AP2A2: variants seen among roughly 807,000 people sequenced by gnomAD.
The protein encoded by AP2A2 is AP-2 complex subunit alpha-2.
In AP2A2, 32 loss-of-function variants were observed where a neutral mutation model predicts 104.2. The ratio of observed to expected loss-of-function variants is 0.31; its 90% CI spans 0.23 to 0.41. The LOEUF is 0.41. Among genes scored for constraint, AP2A2 ranks in the 10% least tolerant of loss-of-function variants. The pLI is 1.00. For synonymous variants in AP2A2, 539 were observed against 533.3 expected (o/e 1.01, Z -0.15); for missense variants, 912 against 1,261.0 (o/e 0.72, Z 4.19).
intron 10 of AP2A2, 191 bp downstream of exon 10, chr11:988,880 C>A: frequency 1.4e-6 from 1 of 732,634 alleles, no homozygotes; most frequent in Non-Finnish European, 2.2e-6. Flanking sequence ...CTGTGGTCCC[C>A]GCTACTCCTG....
At chr11:962,513 G>A (rs1013963488) in intron 2 of AP2A2, among the ~76,000 whole-genome samples, 25 of 152,114 alleles carry the variant, frequency 1.6e-4, no homozygotes, top group Non-Finnish European at 2.9e-4. Context: ...CGGGCGGATC[G>A]ATTGAGGTCG....
At chr11:942,483 C>T (rs1157102399) in intron 1 of AP2A2, 3 of 152,248 alleles carry the variant, frequency 2.0e-5, no homozygotes, top group African/African-American at 4.8e-5. Flanking sequence ...CTTTGACCGA[C>T]TGACCTTTGT....
intron 14 of AP2A2, among the ~76,000 whole-genome samples, chr11:997,869 C>T (rs920772797): frequency 6.6e-6 from 1 of 152,202 alleles, no homozygotes; most frequent in Admixed American, 6.5e-5. Flanking sequence ...TGCACCACTG[C>T]ACTCCAGCCT....
chr11:953,049 C>G (rs1423788032), intron 1 of AP2A2, among the ~76,000 whole-genome samples: 1 of 152,230 alleles, frequency 6.6e-6, no homozygotes, highest in African/African-American at 2.4e-5. Context: ...GTTGATCATG[C>G]AGCTTCTACT....
intron 4 of AP2A2, among the ~76,000 whole-genome samples, chr11:973,453 G>A (rs1439549535): frequency 6.6e-6 from 1 of 152,166 alleles, no homozygotes; most frequent in Non-Finnish European, 1.5e-5. Flanking sequence ...CAGAGAGACC[G>A]CAGCATAACC....
At chr11:978,455 C>T (rs1234916288) in intron 5 of AP2A2, among the ~76,000 whole-genome samples, 1 of 152,190 alleles carries the variant, frequency 6.6e-6, no homozygotes, top group African/African-American at 2.4e-5. Context: ...TTCTGTGACG[C>T]CAGCTACTTG....
chr11:935,693 C>T (rs559599112), intron 1 of AP2A2, among the ~76,000 whole-genome samples: 1 of 143,854 alleles, frequency 7.0e-6, no homozygotes, highest in African/African-American at 2.6e-5. Context: ...CTGCAACCTT[C>T]GCCTCCCGGG....
chr11:958,236 T>A (rs1854301538), intron 1 of AP2A2, among the ~76,000 whole-genome samples: 2 of 152,234 alleles, frequency 1.3e-5, no homozygotes, highest in Non-Finnish European at 2.9e-5. Flanking sequence ...GGTGGCTGTC[T>A]GCAAGCCAGG....
intron 1 of AP2A2, among the ~76,000 whole-genome samples, chr11:947,648 T>C (rs1410402579): frequency 6.6e-6 from 1 of 151,692 alleles, no homozygotes; most frequent in Admixed American, 6.6e-5. Context: ...ATACAAAAAT[T>C]AGTTGGGCAT....
intron 1 of AP2A2, among the ~76,000 whole-genome samples, chr11:939,601 T>G (rs1477248689): frequency 6.6e-6 from 1 of 151,776 alleles, no homozygotes; most frequent in Non-Finnish European, 1.5e-5. Flanking sequence ...CCTGCCACAC[T>G]CCCGGCTAAT....
At chr11:948,696 G>A (rs908317260) in intron 1 of AP2A2, among the ~76,000 whole-genome samples, 6 of 151,778 alleles carry the variant, frequency 4.0e-5, no homozygotes, top group Admixed American at 6.6e-5. Context: ...GTGAAACCCC[G>A]TCTCTACAAA....
At chr11:985,313 G>T (rs775287159) in intron 7 of AP2A2, 122 bp from the exon 8 acceptor site, 12 of 1,298,948 alleles carry the variant, frequency 9.2e-6, no homozygotes, top group Non-Finnish European at 1.3e-5. Flanking sequence ...TTCCAGCTGG[G>T]TACACAAATG....
rs908319570 is a variant in AP2A2 at position 968,230 on chromosome 11, C to T, written c.137-1939C>T. 2.0e-5 allele frequency among the ~76,000 whole-genome samples: 3 copies of T among 152,220 alleles called. No homozygotes were observed. Among genetic ancestry groups the T allele is most frequent in the Non-Finnish European group, 2.9e-5 (2 of 68,038 alleles). ...GCTTATGCAACAGGGGTGGTGTGCC[C>T]AGGGGAGTGCTCTGTGACATCTCTG... On this transcript the variant is annotated intron_variant, in intron 2 of 21. Coordinates refer to ENST00000448903, the MANE Select transcript of AP2A2 (RefSeq NM_012305.4). The surrounding 1 kb of genome is among the most constrained non-coding windows in gnomAD (Gnocchi z 4.2).
intron 16 of AP2A2, among the ~76,000 whole-genome samples, chr11:1,005,565 TG>T (rs2133783582): frequency 6.6e-6 from 1 of 152,372 alleles, no homozygotes; most frequent in African/African-American, 2.4e-5. Flanking sequence ...CACGGAACCC[TG>T]TGGCTGCAGG....
intron 1 of AP2A2, chr11:933,704 G>A (rs1186949505): frequency 2.2e-6 from 1 of 454,002 alleles, no homozygotes; most frequent in Non-Finnish European, 4.4e-6. Context: ...GGGTGGGAGA[G>A]GCGAGTTCCA....
At chr11:991,919 C>T (rs1191276712) in intron 10 of AP2A2, among the ~76,000 whole-genome samples, 5 of 152,088 alleles carry the variant, frequency 3.3e-5, no homozygotes, top group Non-Finnish European at 7.4e-5. Context: ...TGGTGTTGTA[C>T]AGCCTGGCAG....
At chr11:942,585 G>A (rs1451851394) in intron 1 of AP2A2, among the ~76,000 whole-genome samples, 3 of 152,160 alleles carry the variant, frequency 2.0e-5, no homozygotes, top group Admixed American at 6.5e-5. Flanking sequence ...TGAGTCCAGG[G>A]GAGTTTGGAT....
rs113145587 is a variant in AP2A2 at position 985,658 on chromosome 11, G to A, written c.962+76G>A. 3,924 of 1,583,242 alleles carry A rather than the reference G, an allele frequency of 2.5e-3. 79 individuals carry two copies. In the African/African-American group the frequency reaches 0.046, roughly 19 times the overall value. ...CCTTCTCGTTGGCACGAGACTGGGC[G>A]GATCATGTCTGGTTTGTCCACTCCA... On this transcript the variant is annotated intron_variant, in intron 8 of 21. Coordinates refer to ENST00000448903, the MANE Select transcript of AP2A2 (RefSeq NM_012305.4).
In AP2A2 at chr11:1,006,600, C is replaced by T; in HGVS notation, c.2279C>T (p.Ser760Leu). 1.2e-6 allele frequency: 2 copies of T among 1,613,478 alleles called. No homozygotes were observed. Among genetic ancestry groups the T allele is most frequent in the Non-Finnish European group, 1.7e-6 (2 of 1,179,534 alleles). ...FLNFTPTLIC[S>L]DDLQPNLNLQ... Reference sequence around the variant, plus strand: ...AACTTTACCCCAACACTAATCTGTTCAGACGACCTTCAGCCTAATATCCTT... The same window carrying T: ...AACTTTACCCCAACACTAATCTGTTTAGACGACCTTCAGCCTAATATCCTT... Residue 760 changes from serine to leucine, a missense_variant, in exon 17 of 22, where the codon TCA becomes TTA. Coordinates refer to ENST00000448903, the MANE Select transcript of AP2A2 (RefSeq NM_012305.4).
Sources: gnomAD v4.1 joint callset for allele counts (sites outside exome capture counted in the v4.1 genomes callset) on GRCh38, gnomAD v4.1.1 for gene constraint, Gnocchi (gnomAD v3.1) non-coding constraint, MANE v1.5 for transcripts, NCBI Gene and HGNC (gene_info 2026-07-23, HGNC 2026-07-21) for gene names.